The following ADAMTS3 variants were observed in gnomAD, a reference collection of about 807,000 sequenced individuals.
ADAMTS3 encodes the protein A disintegrin and metalloproteinase with thrombospondin motifs 3.
A neutral mutation model predicts 129.0 loss-of-function variants in ADAMTS3; 73 were observed. That is an observed-to-expected ratio of 0.57 (90% CI 0.47 to 0.69). The LOEUF (loss-of-function observed/expected upper bound fraction) is 0.69, where lower values mean the gene tolerates loss of function less well. Among genes scored for constraint, ADAMTS3 ranks in the 30% least tolerant of loss-of-function variants. The pLI is 0.00. For synonymous variants in ADAMTS3, 477 were observed against 510.8 expected (o/e 0.93, Z 0.89); for missense variants, 1,457 against 1,514.5 (o/e 0.96, Z 0.63).
chr4:72,434,441 A>G (rs1347121728), intron 3 of ADAMTS3, among the ~76,000 whole-genome samples: 1 of 151,856 alleles, frequency 6.6e-6, no homozygotes, highest in African/African-American at 2.4e-5. Context: ...GAGTAGAATA[A>G]GGTCCCGGAC....
chr4:72,364,523 G>A (rs1395200794), intron 4 of ADAMTS3, among the ~76,000 whole-genome samples: 1 of 151,858 alleles, frequency 6.6e-6, no homozygotes, highest in Non-Finnish European at 1.5e-5. Flanking sequence ...GCTGAGGCAG[G>A]AGAATCACTT....
At chr4:72,403,289 C>T (rs1197006532) in intron 4 of ADAMTS3, among the ~76,000 whole-genome samples, 1 of 151,970 alleles carries the variant, frequency 6.6e-6, no homozygotes, top group African/African-American at 2.4e-5. Context: ...TTCATGGTGA[C>T]CACATTAATA....
At chr4:72,469,065 T>A (rs1718995383) in intron 3 of ADAMTS3, among the ~76,000 whole-genome samples, 1 of 151,974 alleles carries the variant, frequency 6.6e-6, no homozygotes, top group African/African-American at 2.4e-5. Context: ...ACTCTACTCA[T>A]CAATCATTAT....
intron 3 of ADAMTS3, among the ~76,000 whole-genome samples, chr4:72,498,987 GCA>G (rs1436340468): frequency 2.0e-5 from 3 of 152,024 alleles, no homozygotes; most frequent in African/African-American, 7.2e-5. Context: ...CAGACCACTT[GCA>G]TCATAATCAT....
chr4:72,408,087 C>T (rs76917547), intron 4 of ADAMTS3, among the ~76,000 whole-genome samples: 2 of 152,104 alleles, frequency 1.3e-5, no homozygotes, highest in African/African-American at 4.8e-5. Context: ...GCTCCTGTTA[C>T]AAAATTATGC....
chr4:72,392,728 G>T (rs1361584826), intron 4 of ADAMTS3, among the ~76,000 whole-genome samples: 1 of 151,996 alleles, frequency 6.6e-6, no homozygotes, highest in East Asian at 1.9e-4. Flanking sequence ...GGGGATAGGG[G>T]AATATAAATT....
chr4:72,284,052 A>AG (rs1294333940), intron 21 of ADAMTS3, among the ~76,000 whole-genome samples: 3 of 152,172 alleles, frequency 2.0e-5, no homozygotes, highest in African/African-American at 7.2e-5. Flanking sequence ...TAGGATGCAA[A>AG]GGGGCATCTG....
chr4:72,313,596 T>C, intron 12 of ADAMTS3, 81 bp downstream of exon 12: 1 of 1,462,268 alleles, frequency 6.8e-7, no homozygotes, highest in Admixed American at 2.0e-5. Flanking sequence ...ATGCACTTTA[T>C]AAAACAGAAT....
At chr4:72,444,889 C>T (rs994360318) in intron 3 of ADAMTS3, among the ~76,000 whole-genome samples, 27 of 151,694 alleles carry the variant, frequency 1.8e-4, no homozygotes, top group African/African-American at 6.0e-4. Flanking sequence ...AGAACTGATG[C>T]ATGCTACGAC....
intron 13 of ADAMTS3, among the ~76,000 whole-genome samples, 171 bp from the exon 14 acceptor site, chr4:72,311,352 T>C (rs1255899250): frequency 1.0e-5 from 1 of 95,422 alleles, no homozygotes; most frequent in Non-Finnish European, 2.3e-5. Context: ...ACATTTGACA[T>C]TTTTTTTTTA....
rs976350881 is a variant in ADAMTS3, at chr4:72,548,997, T to C, written c.98-113A>G. ...AGACCATACTTCAATGTGCATAATA[T>C]AGACATTCCTGAATCAGCTCATAAA... On this transcript the variant is annotated intron_variant, in intron 2 of 21. Transcript: ENST00000286657. The C allele has an allele frequency of 1.6e-5, 14 of 902,830 alleles. No homozygotes were observed. The South Asian group carries it at 1.9e-4, about 12-fold the overall frequency. The allele number at this position is 902,830 out of a possible 1,614,324, so 55.9% of individuals were successfully genotyped here.
chr4:72,513,214 T>C (rs1356357578), intron 3 of ADAMTS3, among the ~76,000 whole-genome samples: 1 of 152,186 alleles, frequency 6.6e-6, no homozygotes, highest in Non-Finnish European at 1.5e-5. Flanking sequence ...TGTTTTCTAC[T>C]TTACCTATTC....
At position 72,548,605 on chromosome 4, in the gene ADAMTS3, T is replaced by C; in HGVS notation, c.377A>G (p.Asn126Ser). The change falls in exon 3 of 22, where the codon AAC (asparagine) becomes AGC (serine). Residue 126 changes from asparagine (N) to serine (S), a missense_variant. Transcript: ENST00000286657. ...ATACGTAGCACTTCCTGGTTGATGG[T>C]TGTTAATGGGATCGGTTATATTCCC... The part of the protein sequence containing the change: ...VPGNITDPIN[N>S]HQPGSATYRI... 2 of 1,614,006 alleles carry C rather than the reference T, an allele frequency of 1.2e-6. No homozygotes were observed. Among genetic ancestry groups the C allele is most frequent in the Non-Finnish European group, 1.7e-6 (2 of 1,179,918 alleles).
chr4:72,447,476 G>A (rs1261619983), intron 3 of ADAMTS3, among the ~76,000 whole-genome samples: 1 of 151,716 alleles, frequency 6.6e-6, no homozygotes, highest in African/African-American at 2.4e-5. Flanking sequence ...TGCAAGTAAA[G>A]TTATTAATTT....
chr4:72,529,651 A>AAT (rs1050230179), intron 3 of ADAMTS3, among the ~76,000 whole-genome samples: 6 of 130,350 alleles, frequency 4.6e-5, no homozygotes, highest in Non-Finnish European at 7.8e-5. Context: ...AATACATTAT[A>AAT]ATATATATAT....
intron 4 of ADAMTS3, among the ~76,000 whole-genome samples, chr4:72,372,566 C>G (rs1250458473): frequency 6.6e-6 from 1 of 151,908 alleles, no homozygotes; most frequent in African/African-American, 2.4e-5. Flanking sequence ...AACTAAAAAT[C>G]TTTCCAGAAA....
intron 3 of ADAMTS3, among the ~76,000 whole-genome samples, chr4:72,528,007 T>C (rs1052701813): frequency 1.3e-5 from 2 of 152,144 alleles, no homozygotes; most frequent in Non-Finnish European, 2.9e-5. Context: ...ACAGACACAG[T>C]CACCACTCTC....
intron 4 of ADAMTS3, among the ~76,000 whole-genome samples, chr4:72,402,242 C>T (rs1721942880): frequency 1.3e-5 from 2 of 152,152 alleles, no homozygotes; most frequent in Admixed American, 1.3e-4. Context: ...AACACTTGAG[C>T]CTTCACTGTT....
chr4:72,510,840 A>G (rs1284173508), intron 3 of ADAMTS3, among the ~76,000 whole-genome samples: 2 of 148,828 alleles, frequency 1.3e-5, no homozygotes, highest in Non-Finnish European at 3.0e-5. Flanking sequence ...AAAAAAAAAA[A>G]AAAACTGGAG....
Sources: allele counts gnomAD v4.1 joint callset (sites outside exome capture counted in the v4.1 genomes callset), GRCh38; gene constraint gnomAD v4.1.1; transcripts MANE v1.5; gene names NCBI Gene and HGNC (gene_info 2026-07-23, HGNC 2026-07-21).